The following NEBL variants were observed in gnomAD, a reference collection of about 807,000 sequenced individuals.
NEBL encodes nebulette.
A neutral mutation model predicts 140.2 loss-of-function variants in NEBL; 122 were observed. The observed-to-expected ratio is 0.87, with a 90% CI of 0.75 to 1.01. The LOEUF is 1.01. NEBL is among the 50% of genes least tolerant of loss of function. The pLI, the probability that NEBL is intolerant of heterozygous loss-of-function variation, is 0.00. For missense variants in NEBL, 1,365 were observed against 1,231.3 expected (o/e 1.11, Z -1.62); for synonymous variants, 436 against 398.9 (o/e 1.09, Z -1.11).
At position 21,065,970 on chromosome 10, in the gene NEBL, C is replaced by T. The variant is rs117185779; in HGVS notation, c.165-45769G>A. Among the ~76,000 whole-genome samples the T allele has an allele frequency of 7.4e-3, 1,122 of 152,332 alleles. 43 individuals are homozygous for T. The East Asian group carries it at 0.089, about 12-fold the overall frequency. On this transcript the variant is annotated intron_variant, in intron 2 of 6. Transcript: ENST00000417816. ...TGCACACCTCTCTTCAACCTGGTTACGTGTTAGCTGTCCTCTCTTTATCCT... is the reference window on the plus strand; with the variant it reads ...TGCACACCTCTCTTCAACCTGGTTATGTGTTAGCTGTCCTCTCTTTATCCT...
intron 1 of NEBL, among the ~76,000 whole-genome samples, chr10:21,288,850 A>ATATATATATATAT (rs1554836851): frequency 1.3e-3 from 95 of 73,176 alleles, no homozygotes; most frequent in African/African-American, 1.4e-3. Context: ...ATATATATAT[A>ATATATATATATAT]AAAATTTTTT....
chr10:20,804,827 T>C (rs1330446864), intron 26 of NEBL, among the ~76,000 whole-genome samples: 3 of 152,166 alleles, frequency 2.0e-5, no homozygotes, highest in Non-Finnish European at 4.4e-5. Flanking sequence ...ATTTGGGTTA[T>C]ATTCAGAATA....
chr10:21,220,113 A>T (rs1428389834), intron 3 of NEBL, among the ~76,000 whole-genome samples: 1 of 151,896 alleles, frequency 6.6e-6, no homozygotes, highest in South Asian at 2.1e-4. Flanking sequence ...GGATTTCACC[A>T]TGTTGGCCAG....
intron 2 of NEBL, among the ~76,000 whole-genome samples, chr10:21,077,222 C>CAA (rs55822856): frequency 6.6e-5 from 10 of 151,544 alleles, no homozygotes; most frequent in African/African-American, 2.2e-4. Context: ...TACTTTTCTT[C>CAA]AAAAAAAATA....
intron 2 of NEBL, among the ~76,000 whole-genome samples, chr10:21,057,467 A>C (rs1589185961): frequency 6.6e-6 from 1 of 151,454 alleles, no homozygotes; most frequent in East Asian, 1.9e-4. Flanking sequence ...CTAGAGGTAA[A>C]GGTTACTACA....
rs549527598 is a variant in NEBL, at chr10:20,814,335, T to A, written c.2242-292A>T. Among the ~76,000 whole-genome samples, 5 of 151,962 alleles carry A rather than the reference T, an allele frequency of 3.3e-5. No homozygotes were observed. The South Asian group carries it at 1.0e-3, about 32-fold the overall frequency. ...ACCTGCGCAAGCCCGAGGACTCGTATCTGTAATCACAGCACTTTGGAAAGC... is the reference window on the plus strand; with the variant it reads ...ACCTGCGCAAGCCCGAGGACTCGTAACTGTAATCACAGCACTTTGGAAAGC... On this transcript the variant is annotated intron_variant, in intron 22 of 27. Transcript: ENST00000377122.
chr10:20,987,714 A>G (rs1837309802), intron 3 of NEBL, among the ~76,000 whole-genome samples: 1 of 152,188 alleles, frequency 6.6e-6, no homozygotes, highest in African/African-American at 2.4e-5. Context: ...GACCAAGGCT[A>G]ACTTCTGCAT....
intron 3 of NEBL, among the ~76,000 whole-genome samples, chr10:21,231,551 G>A (rs72798588): frequency 0.041 from 6,073 of 149,722 alleles, 189 homozygotes; most frequent in South Asian, 0.14. Flanking sequence ...AAAAAAACAA[G>A]AAAAGAAAAG....
At chr10:21,249,730 A>G (rs1842562819) in intron 2 of NEBL, among the ~76,000 whole-genome samples, 1 of 151,900 alleles carries the variant, frequency 6.6e-6, no homozygotes, top group South Asian at 2.1e-4. Flanking sequence ...GGGAAAATAA[A>G]TGAATAGAAA....
At chr10:20,788,336 A>C (rs1028412608) in intron 26 of NEBL, among the ~76,000 whole-genome samples, 1 of 152,162 alleles carries the variant, frequency 6.6e-6, no homozygotes, top group African/African-American at 2.4e-5. Context: ...TTGTTTAATC[A>C]GGTTGAGTAT....
At chr10:21,261,173 CCT>C (rs2132280707) in intron 1 of NEBL, among the ~76,000 whole-genome samples, 1 of 152,242 alleles carries the variant, frequency 6.6e-6, no homozygotes, top group African/African-American at 2.4e-5. Context: ...GTGGGTAACC[CCT>C]GTCTGAATAC....
At chr10:21,108,756 G>A (rs1024778865) in intron 2 of NEBL, among the ~76,000 whole-genome samples, 1 of 152,162 alleles carries the variant, frequency 6.6e-6, no homozygotes, top group African/African-American at 2.4e-5. Flanking sequence ...AATATTAGCA[G>A]TGGGGTGTTA....
intron 2 of NEBL, among the ~76,000 whole-genome samples, chr10:21,139,702 T>A (rs1839522837): frequency 6.6e-6 from 1 of 152,118 alleles, no homozygotes; most frequent in Non-Finnish European, 1.5e-5. Context: ...TCAACCCAAC[T>A]CCCATTATAG....
chr10:20,797,221 A>C (rs1388379894), intron 26 of NEBL, among the ~76,000 whole-genome samples: 4 of 152,194 alleles, frequency 2.6e-5, no homozygotes, highest in Admixed American at 2.6e-4. Context: ...AAGATTCATT[A>C]CTCGAGTACA....
chr10:21,129,181 T>C lies in NEBL; in HGVS notation c.164+43202A>G, dbSNP rs191904228. On this transcript the variant is annotated intron_variant, in intron 2 of 6. Coordinates refer to the NEBL transcript ENST00000417816. ...GAAGCTCTTTAAAGAAAGAAAATGATGAAGGTCAGGAACTTGGATCTACAT... is the reference window on the plus strand; with the variant it reads ...GAAGCTCTTTAAAGAAAGAAAATGACGAAGGTCAGGAACTTGGATCTACAT... Among the ~76,000 whole-genome samples, 9 of 152,284 alleles carry C rather than the reference T, an allele frequency of 5.9e-5. No homozygotes were observed. In the East Asian group the frequency reaches 1.5e-3, roughly 26 times the overall value.
Position 20,958,369 on chromosome 10 carries a change from G to A in NEBL, c.357+3303C>T, listed in dbSNP as rs74612862. ...TTAAGCGACACAGTTGTGAAAATCC[G>A]TAAGGCAGGGCTTTCTGGCCCACAG... On this transcript the variant is annotated intron_variant, in intron 4 of 6. Coordinates refer to the NEBL transcript ENST00000417816. Among the ~76,000 whole-genome samples, 946 of 152,330 alleles carry A rather than the reference G, an allele frequency of 6.2e-3. 12 individuals carry two copies. Among genetic ancestry groups the A allele is most frequent in the Non-Finnish European group, 8.8e-3 (602 of 68,028 alleles).
At chr10:20,820,064 A>G (rs781409758) in intron 19 of NEBL, among the ~76,000 whole-genome samples, 9 of 152,196 alleles carry the variant, frequency 5.9e-5, no homozygotes, top group Non-Finnish European at 1.2e-4. Context: ...TCAAATTGCC[A>G]TTTTATATTT....
intron 2 of NEBL, among the ~76,000 whole-genome samples, chr10:21,040,902 C>A (rs1834241189): frequency 1.3e-5 from 2 of 152,120 alleles, no homozygotes; most frequent in South Asian, 2.1e-4. Flanking sequence ...GTAACATGTC[C>A]CTGCCTCCTC....
At chr10:20,878,661 T>C (rs1845734017) in intron 5 of NEBL, among the ~76,000 whole-genome samples, 1 of 152,196 alleles carries the variant, frequency 6.6e-6, no homozygotes, top group Non-Finnish European at 1.5e-5. Flanking sequence ...AATACAAATA[T>C]CATTCTCACT....
Sources: gnomAD v4.1 joint callset for allele counts (sites outside exome capture counted in the v4.1 genomes callset) on GRCh38, gnomAD v4.1.1 for gene constraint, MANE v1.5 for transcripts, NCBI Gene and HGNC (gene_info 2026-07-23, HGNC 2026-07-21) for gene names.